UROS: variants seen among roughly 807,000 people sequenced by gnomAD.
UROS encodes uroporphyrinogen III synthase, also known as uroporphyrinogen-III synthase.
Under a neutral mutation model 33.0 loss-of-function variants are expected in UROS, and 18 were observed. That is an observed-to-expected ratio of 0.55 (90% CI 0.38 to 0.81). UROS has a LOEUF of 0.81. Among genes scored for constraint, UROS ranks in the 30% least tolerant of loss-of-function variants. UROS has a pLI of 0.00. For synonymous variants in UROS, 114 were observed against 121.1 expected, an observed-to-expected ratio of 0.94 and a Z score of 0.38; for missense variants, 293 against 314.9, an observed-to-expected ratio of 0.93 and a Z score of 0.53.
At chr10:125,791,091 CAAAA>C (rs146112441) in intron 9 of UROS, among the ~76,000 whole-genome samples, 1 of 130,824 alleles carries the variant, frequency 7.6e-6, no homozygotes. Flanking sequence ...GACACCATCT[CAAAA>C]AAAAAAAAAA....
At position 125,795,147 on chromosome 10, in the gene UROS, T is replaced by A. The variant is rs534902162; in HGVS notation, c.562-169A>T. The A allele has an allele frequency of 2.6e-5, 18 of 683,236 alleles. No homozygotes were observed. In the East Asian group the frequency reaches 4.7e-4, roughly 18 times the overall value. 42.3% of individuals were successfully genotyped at this position (683,236 alleles called of 1,614,324 possible). A position where few individuals can be genotyped will look rare whatever the true frequency, so the allele number is the denominator to read the frequency against. On this transcript the variant is annotated intron_variant, in intron 8 of 9. Transcript: ENST00000368797. ...ATCCTCTGCTCCAGTGAGGCAGGAT[T>A]CTGGTAGGGAACTGTTGGAAAGAGC...
chr10:125,803,154 G>A, intron 6 of UROS: 1 of 1,283,784 alleles, frequency 7.8e-7, no homozygotes, highest in Admixed American at 2.2e-5. Flanking sequence ...ACCACTATTA[G>A]CTCTGTTCCT....
At chr10:125,814,689 C>G (rs992617661) in intron 4 of UROS, among the ~76,000 whole-genome samples, 1 of 152,160 alleles carries the variant, frequency 6.6e-6, no homozygotes, top group African/African-American at 2.4e-5. Context: ...TCACTAAGTG[C>G]CTGACATGGT....
At chr10:125,798,013 C>A (rs1182981289) in intron 7 of UROS, 52 bp downstream of exon 7, 37 of 1,604,046 alleles carry the variant, frequency 2.3e-5, no homozygotes, top group Non-Finnish European at 2.9e-5. Flanking sequence ...ACTGCAAAGG[C>A]TCCTGGTGGA....
intron 9 of UROS, 149 bp downstream of exon 9, chr10:125,794,731 C>T: frequency 1.4e-6 from 1 of 712,472 alleles, no homozygotes; most frequent in South Asian, 1.8e-5. Context: ...GTGCAACAGC[C>T]CAGCAGGAGG....
intron 9 of UROS, chr10:125,791,880 T>C (rs1292656170): frequency 6.6e-6 from 1 of 152,106 alleles, no homozygotes; most frequent in Non-Finnish European, 1.5e-5. Flanking sequence ...TGATATGTCC[T>C]GGAACTAGAC....
chr10:125,814,658 C>T (rs55871405), intron 4 of UROS, among the ~76,000 whole-genome samples: 2,307 of 152,272 alleles, frequency 0.015, 72 homozygotes, highest in African/African-American at 0.053. Context: ...GGTGGGAAGA[C>T]AAGTCAAAGA....
chr10:125,802,909 C>T (rs1193068343), intron 6 of UROS: 15 of 1,601,478 alleles, frequency 9.4e-6, no homozygotes, highest in Admixed American at 5.2e-5. Flanking sequence ...GCTTTCCCCA[C>T]CGCCTTGCCA....
At chr10:125,818,518 T>TAC (rs1853563399) in intron 1 of UROS, among the ~76,000 whole-genome samples, 1 of 125,684 alleles carries the variant, frequency 8.0e-6, no homozygotes, top group Non-Finnish European at 1.8e-5. Flanking sequence ...AATAATAATA[T>TAC]AAAATTAAAA....
chr10:125,801,969 G>A, intron 6 of UROS: 3 of 972,490 alleles, frequency 3.1e-6, no homozygotes, highest in Non-Finnish European at 3.7e-6. Context: ...AAAACAGGCA[G>A]GAGCCACCTA....
chr10:125,789,437 CT>C, intron 9 of UROS: 1 of 1,030,800 alleles, frequency 9.7e-7, no homozygotes, highest in South Asian at 2.7e-5. Flanking sequence ...AAGGTCAGGG[CT>C]CTGTGGGCAC....
At chr10:125,794,827 TAAA>T (rs112839143) in intron 9 of UROS, 50 bp downstream of exon 9, 193 of 1,314,358 alleles carry the variant, frequency 1.5e-4, no homozygotes, top group Non-Finnish European at 1.7e-4. Context: ...TCATAAAGAT[TAAA>T]AAAAAAAAAA....
intron 9 of UROS, among the ~76,000 whole-genome samples, chr10:125,791,091 CA>C (rs146112441): frequency 0.048 from 6,307 of 130,752 alleles, 345 homozygotes; most frequent in African/African-American, 0.15. Flanking sequence ...GACACCATCT[CA>C]AAAAAAAAAA....
chr10:125,816,337 T>G, intron 2 of UROS, 77 bp from the exon 3 acceptor site: 1 of 1,599,962 alleles, frequency 6.3e-7, no homozygotes, highest in Non-Finnish European at 8.6e-7. Flanking sequence ...TTATTCTGCG[T>G]CAGTTCCTCT....
chr10:125,802,227 G>C (rs1218043436), intron 6 of UROS: 9 of 985,430 alleles, frequency 9.1e-6, no homozygotes, highest in Admixed American at 6.1e-5. Context: ...CCTCCACACT[G>C]ATGTGTGGCT....
At chr10:125,789,322 T>C in intron 9 of UROS, 1 of 1,292,256 alleles carries the variant, frequency 7.7e-7, no homozygotes, top group Non-Finnish European at 9.9e-7. Context: ...TCAGAGGCTC[T>C]AGCTGCAGAC....
At chr10:125,806,507 C>A (rs76563600) in intron 6 of UROS, among the ~76,000 whole-genome samples, 2,424 of 152,244 alleles carry the variant, frequency 0.016, 61 homozygotes, top group African/African-American at 0.054. Context: ...CAAAGCCAAG[C>A]CCATTGTTTG....
At chr10:125,798,187 TGCCTG>T in intron 6 of UROS, 42 bp from the exon 7 acceptor site, 1 of 1,603,980 alleles carries the variant, frequency 6.2e-7, no homozygotes, top group African/African-American at 1.3e-5. Flanking sequence ...TCAGGGCCAG[TGCCTG>T]TGCACAGGGG....
chr10:125,796,214 AC>A, intron 7 of UROS, 26 bp from the exon 8 acceptor site: 1 of 1,610,022 alleles, frequency 6.2e-7, no homozygotes. Flanking sequence ...AGCAGGAAAG[AC>A]TTTACCGCAC....
Sources: gnomAD v4.1 joint callset for allele counts (sites outside exome capture counted in the v4.1 genomes callset) on GRCh38, gnomAD v4.1.1 for gene constraint, MANE v1.5 for transcripts, NCBI Gene and HGNC (gene_info 2026-07-23, HGNC 2026-07-21) for gene names.